GALNT17: variants seen among roughly 807,000 people sequenced by gnomAD.
The protein encoded by GALNT17 is polypeptide N-acetylgalactosaminyltransferase 17.
A neutral mutation model predicts 63.7 loss-of-function variants in GALNT17; 29 were observed. The observed-to-expected ratio is 0.46, with a 90% CI of 0.34 to 0.62. GALNT17 has a LOEUF of 0.62. Among genes scored for constraint, GALNT17 ranks in the 20% least tolerant of loss-of-function variants. The pLI is 0.01. For missense variants in GALNT17, 603 were observed against 799.6 expected (o/e 0.75, Z 2.97); for synonymous variants, 305 against 318.3 (o/e 0.96, Z 0.45).
At chr7:71,356,794 A>ATT (rs1292862336) in intron 2 of GALNT17, among the ~76,000 whole-genome samples, 57 of 151,856 alleles carry the variant, frequency 3.8e-4, no homozygotes, top group African/African-American at 1.3e-3. Flanking sequence ...ATATATATAT[A>ATT]TTTTTTAGAT....
At chr7:71,600,005 G>A (rs899320403) in intron 6 of GALNT17, among the ~76,000 whole-genome samples, 1 of 151,760 alleles carries the variant, frequency 6.6e-6, no homozygotes, top group African/African-American at 2.4e-5. Flanking sequence ...TTCAGACATG[G>A]ACAAATATCC....
chr7:71,161,301 T>C (rs1295133672), intron 1 of GALNT17, among the ~76,000 whole-genome samples: 1 of 152,254 alleles, frequency 6.6e-6, no homozygotes, highest in Admixed American at 6.5e-5. Context: ...TTTTATTTTC[T>C]TGATTGGTAA....
At chr7:71,134,488 T>C (rs1215107481) in intron 1 of GALNT17, among the ~76,000 whole-genome samples, 1 of 151,258 alleles carries the variant, frequency 6.6e-6, no homozygotes, top group Admixed American at 6.6e-5. Context: ...GGGAGAGGGG[T>C]GGTCAGATCT....
intron 5 of GALNT17, among the ~76,000 whole-genome samples, chr7:71,555,461 T>C (rs1789147611): frequency 1.4e-5 from 2 of 145,518 alleles, no homozygotes; most frequent in Admixed American, 1.4e-4. Flanking sequence ...CTGAACTCAT[T>C]ACCATGGGGA....
At chr7:71,696,022 G>C (rs1791535532) in intron 9 of GALNT17, among the ~76,000 whole-genome samples, 1 of 152,168 alleles carries the variant, frequency 6.6e-6, no homozygotes, top group South Asian at 2.1e-4. Flanking sequence ...CTTTAACCAA[G>C]CAATAAATAA....
At chr7:71,176,371 G>A (rs1314489396) in intron 1 of GALNT17, among the ~76,000 whole-genome samples, 4 of 152,068 alleles carry the variant, frequency 2.6e-5, no homozygotes, top group African/African-American at 4.8e-5. Context: ...AACCCTGCCC[G>A]TCCAGGGGCT....
At chr7:71,489,565 G>A (rs1036195625) in intron 5 of GALNT17, among the ~76,000 whole-genome samples, 1 of 152,244 alleles carries the variant, frequency 6.6e-6, no homozygotes, top group Admixed American at 6.5e-5. Context: ...GCTGATGTGA[G>A]ACTGTTGTGC....
At chr7:71,304,186 G>A (rs989248212) in intron 1 of GALNT17, among the ~76,000 whole-genome samples, 2 of 152,164 alleles carry the variant, frequency 1.3e-5, no homozygotes, top group African/African-American at 4.8e-5. Flanking sequence ...CAGAGAATGA[G>A]CAGTCTTCAT....
chr7:71,377,665 T>C (rs913369583), intron 2 of GALNT17, among the ~76,000 whole-genome samples: 4 of 152,184 alleles, frequency 2.6e-5, no homozygotes, highest in African/African-American at 9.7e-5. Context: ...CCAAATCTCA[T>C]CTCTAATCGT....
chr7:71,458,783 A>G (rs369583437), intron 5 of GALNT17, among the ~76,000 whole-genome samples: 1 of 152,080 alleles, frequency 6.6e-6, no homozygotes, highest in African/African-American at 2.4e-5. Flanking sequence ...ACTCCTCTCC[A>G]TGTTCAGACG....
At chr7:71,277,851 A>G (rs893220817) in intron 1 of GALNT17, among the ~76,000 whole-genome samples, 2 of 152,182 alleles carry the variant, frequency 1.3e-5, no homozygotes, top group Non-Finnish European at 2.9e-5. Context: ...CTTTTGTGCC[A>G]TGGGCGGTCA....
chr7:71,188,572 G>T (rs2116331922), intron 1 of GALNT17, among the ~76,000 whole-genome samples: 1 of 152,120 alleles, frequency 6.6e-6, no homozygotes, highest in East Asian at 1.9e-4. Flanking sequence ...ACTTTTTGAT[G>T]GGATTGTTTG....
intron 6 of GALNT17, among the ~76,000 whole-genome samples, chr7:71,654,448 G>A (rs895703301): frequency 2.0e-5 from 3 of 152,186 alleles, no homozygotes; most frequent in Admixed American, 6.5e-5. Flanking sequence ...GAACTTCTTC[G>A]TCCTTGGTTA....
chr7:71,513,375 T>TTTTTTTGG (rs1337063658), intron 5 of GALNT17, among the ~76,000 whole-genome samples: 241 of 151,942 alleles, frequency 1.6e-3, no homozygotes, highest in African/African-American at 5.5e-3. Context: ...TTTTTTTTTG[T>TTTTTTTGG]TTTTTTGTTT....
At chr7:71,448,460 C>T (rs1455624913) in intron 5 of GALNT17, among the ~76,000 whole-genome samples, 1 of 150,730 alleles carries the variant, frequency 6.6e-6, no homozygotes, top group Non-Finnish European at 1.5e-5. Flanking sequence ...TTTCTTTAAT[C>T]TCTGATTTTT....
chr7:71,277,697 T>C lies in GALNT17; in HGVS notation c.239-57853T>C, dbSNP rs576115787. Among the ~76,000 whole-genome samples the C allele has an allele frequency of 3.3e-3, 508 of 152,320 alleles. 3 individuals carry two copies. Among genetic ancestry groups the C allele is most frequent in the African/African-American group, 0.012 (487 of 41,564 alleles). On this transcript the variant is annotated intron_variant, in intron 1 of 10. Transcript: ENST00000333538. ...TTGCATCACAGCCTGCCTGAAACTT[T>C]GGTGGAAGCACTGAGAAAGTTAGTG...
chr7:71,543,114 A>G (rs1356979524), intron 5 of GALNT17, among the ~76,000 whole-genome samples: 1 of 151,556 alleles, frequency 6.6e-6, no homozygotes, highest in Non-Finnish European at 1.5e-5. Flanking sequence ...TCAGTAACCC[A>G]TGTTTGAGTT....
intron 1 of GALNT17, among the ~76,000 whole-genome samples, chr7:71,166,729 C>G (rs771546817): frequency 6.6e-6 from 1 of 152,092 alleles, no homozygotes; most frequent in Non-Finnish European, 1.5e-5. Flanking sequence ...TTTACCCATT[C>G]TCTTGTTGAG....
At chr7:71,148,056 ATC>A (rs1284129333) in intron 1 of GALNT17, among the ~76,000 whole-genome samples, 2 of 152,084 alleles carry the variant, frequency 1.3e-5, no homozygotes, top group African/African-American at 4.8e-5. Context: ...GCCCTTGTTC[ATC>A]TCTGTCTTTC....
Sources: gnomAD v4.1 joint callset for allele counts (sites outside exome capture counted in the v4.1 genomes callset) on GRCh38, gnomAD v4.1.1 for gene constraint, MANE v1.5 for transcripts, NCBI Gene and HGNC (gene_info 2026-07-23, HGNC 2026-07-21) for gene names.